The following GCC2 variants were observed in gnomAD, a reference collection of about 807,000 sequenced individuals.
The protein encoded by GCC2 is GRIP and coiled-coil domain containing 2, also known as GRIP and coiled-coil domain-containing protein 2.
A neutral mutation model predicts 210.6 loss-of-function variants in GCC2; 120 were observed. That is an observed-to-expected ratio of 0.57 (90% CI 0.49 to 0.66). The LOEUF is 0.66. Among genes scored for constraint, GCC2 ranks in the 30% least tolerant of loss-of-function variants. GCC2 has a pLI of 0.00. For synonymous variants in GCC2, 703 were observed against 652.7 expected (o/e 1.08, Z -1.17); for missense variants, 1,868 against 1,871.9 (o/e 1.00, Z 0.04).
At chr2:108,463,615 C>T (rs1007413123) in intron 4 of GCC2, among the ~76,000 whole-genome samples, 1 of 152,102 alleles carries the variant, frequency 6.6e-6, no homozygotes, top group Non-Finnish European at 1.5e-5. Flanking sequence ...GCATGCCTGT[C>T]CCTGGGCCCC....
intron 20 of GCC2, chr2:108,496,118 T>C: frequency 6.6e-6 from 1 of 152,052 alleles, no homozygotes; most frequent in Non-Finnish European, 1.5e-5. Context: ...GCCCTAGGCT[T>C]GAACCATAAA....
At chr2:108,466,644 T>C (rs988716313) in intron 4 of GCC2, among the ~76,000 whole-genome samples, 1 of 151,748 alleles carries the variant, frequency 6.6e-6, no homozygotes, top group African/African-American at 2.4e-5. Context: ...GACTAATTTT[T>C]TGTATTTTTA....
At chr2:108,495,733 G>A (rs1442093617) in intron 20 of GCC2, 1 of 249,984 alleles carries the variant, frequency 4.0e-6, no homozygotes, top group Non-Finnish European at 7.8e-6. Context: ...TCTGCAGGCT[G>A]AGGAGCAGTG....
chr2:108,471,674 T>A lies in GCC2; in HGVS notation c.2345T>A (p.Val782Asp). Residue 782 changes from valine to aspartate, a missense_variant, in exon 6 of 23, where the codon GTC (valine) becomes GAC (aspartate). This residue lies in a region of GCC2 where 1,847 missense variants were observed against 1,765.2 expected (regional missense o/e 1.05). Transcript: ENST00000309863. ...AGTGAAGAGAAAGATGTTGTTAATG[T>A]CCTACAGGCAGTCGGTGAATCCTTG... ...EDSEEKDVVN[V>D]LQAVGESLAK... 6.2e-7 allele frequency: 1 copy of A among 1,613,582 alleles called. No homozygotes were observed. The highest frequency in any genetic ancestry group is 8.5e-7 in the Non-Finnish European group (1 of 1,179,602).
In GCC2 at chr2:108,471,831, A is replaced by G; in HGVS notation, c.2502A>G (p.Arg834=). The G allele has an allele frequency of 6.2e-7, 1 of 1,613,618 alleles. No homozygotes were observed. The highest frequency in any genetic ancestry group is 1.3e-5 in the African/African-American group (1 of 75,028). ...VQCEELKSLL[R]DYEQEKVLLR... The stretch of plus-strand genomic sequence containing the variant: ...GTGAAGAACTTAAGTCTTTATTGAG[A>G]GACTATGAGCAAGAGAAAGTTCTCT... The change falls in exon 6 of 23, where the codon AGA becomes AGG. Residue 834 remains arginine (R), a synonymous_variant. Transcript: ENST00000309863.
Position 108,492,790 on chromosome 2 carries a change from A to AGTAT in GCC2, c.4447+8_4447+11dup. The AGTAT allele has an allele frequency of 6.3e-7, 1 of 1,587,806 alleles. No individual in the cohort carries two copies. The highest frequency in any genetic ancestry group is 2.2e-5 in the East Asian group (1 of 44,728). Reference sequence around the variant, plus strand: ...GCTTAAGAATGAACCGACCACAAGAAGTATGTATGTACACATGGAAATATT... The same window carrying AGTAT: ...GCTTAAGAATGAACCGACCACAAGAAGTATGTATGTATGTACACATGGAAATATT... On this transcript the variant is annotated frameshift_variant and splice_region_variant. Transcript: ENST00000309863. LOFTEE classifies it high-confidence loss of function.
chr2:108,464,163 G>A (rs562712874), intron 4 of GCC2, among the ~76,000 whole-genome samples: 3 of 152,232 alleles, frequency 2.0e-5, no homozygotes, highest in East Asian at 1.9e-4. Context: ...GTGTCGCTGC[G>A]ACTAAGGAGA....
At chr2:108,461,818 C>CTTT (rs1390391578) in intron 4 of GCC2, among the ~76,000 whole-genome samples, 2 of 120,782 alleles carry the variant, frequency 1.7e-5, no homozygotes, top group African/African-American at 6.5e-5. Context: ...AATAGGTTTT[C>CTTT]TTTTTTTTTT....
At chr2:108,486,078 G>A (rs2577586) in intron 15 of GCC2, among the ~76,000 whole-genome samples, 170 bp downstream of exon 15, 100,726 of 151,980 alleles carry the variant, frequency 0.66, 34,066 homozygotes, top group East Asian at 0.96. Flanking sequence ...TATATTATTT[G>A]GCTCAAGCTA....
chr2:108,491,748 C>A (rs909334668), intron 18 of GCC2, among the ~76,000 whole-genome samples: 3 of 151,588 alleles, frequency 2.0e-5, no homozygotes, highest in Non-Finnish European at 2.9e-5. Flanking sequence ...TTCTGTGGAT[C>A]CCCTGTATAA....
At chr2:108,467,035 G>T (rs2577607) in intron 4 of GCC2, among the ~76,000 whole-genome samples, 34,021 of 151,988 alleles carry the variant, frequency 0.22, 4,219 homozygotes, top group African/African-American at 0.32. Flanking sequence ...TATAGCCTTA[G>T]AGTAAATCAT....
At chr2:108,478,449 T>G (rs1308481304) in intron 9 of GCC2, among the ~76,000 whole-genome samples, 1 of 152,188 alleles carries the variant, frequency 6.6e-6, no homozygotes, top group Non-Finnish European at 1.5e-5. Flanking sequence ...TTTTGGAGTT[T>G]GTTAATTTGG....
At chr2:108,465,361 T>A (rs763076670) in intron 4 of GCC2, among the ~76,000 whole-genome samples, 23 of 152,214 alleles carry the variant, frequency 1.5e-4, no homozygotes, top group Non-Finnish European at 2.5e-4. Context: ...GAAAACTTTT[T>A]ATTTCAATAG....
At chr2:108,478,511 A>C (rs1681661314) in intron 9 of GCC2, among the ~76,000 whole-genome samples, 1 of 152,204 alleles carries the variant, frequency 6.6e-6, no homozygotes, top group Non-Finnish European at 1.5e-5. Flanking sequence ...CGGTTTATTA[A>C]AAGATCTGAA....
intron 4 of GCC2, among the ~76,000 whole-genome samples, chr2:108,462,027 C>T (rs1219006466): frequency 3.5e-5 from 5 of 144,838 alleles, no homozygotes; most frequent in Non-Finnish European, 3.0e-5. Flanking sequence ...TTAGTAGAGA[C>T]GGGGTTTCAC....
chr2:108,492,482 G>A, intron 18 of GCC2, 91 bp from the exon 19 acceptor site: 2 of 763,204 alleles, frequency 2.6e-6, no homozygotes, highest in Non-Finnish European at 4.6e-6. Flanking sequence ...AGAGGTCTTA[G>A]AGCTAATTCT....
chr2:108,506,831 C>G (rs1393468071), intron 22 of GCC2, among the ~76,000 whole-genome samples: 3 of 152,034 alleles, frequency 2.0e-5, no homozygotes, highest in African/African-American at 4.8e-5. Context: ...GACATTGATT[C>G]ATAACATCAA....
intron 4 of GCC2, 67 bp from the exon 5 acceptor site, chr2:108,468,913 G>A (rs1681041551): frequency 2.1e-6 from 2 of 954,126 alleles, no homozygotes; most frequent in Admixed American, 3.7e-5. Flanking sequence ...AAGGTCAGGA[G>A]ATAATTACGC....
intron 9 of GCC2, among the ~76,000 whole-genome samples, chr2:108,476,427 A>G (rs766933360): frequency 6.6e-6 from 1 of 152,238 alleles, no homozygotes; most frequent in Non-Finnish European, 1.5e-5. Flanking sequence ...TAAAATCAGT[A>G]ACAAAAAGAT....
Sources: gnomAD v4.1 joint callset for allele counts (sites outside exome capture counted in the v4.1 genomes callset) on GRCh38, gnomAD v4.1.1 for gene constraint, gnomAD v4.1.1 regional missense constraint, MANE v1.5 for transcripts, NCBI Gene and HGNC (gene_info 2026-07-23, HGNC 2026-07-21) for gene names.